Variants in ZNF592 observed in about 807,000 individuals in gnomAD.
The protein encoded by ZNF592 is spinocerebellar ataxia, autosomal recessive 5.
A neutral mutation model predicts 80.3 loss-of-function variants in ZNF592; 11 were observed. The ratio of observed to expected loss-of-function variants is 0.14; its 90% CI spans 0.09 to 0.23. The LOEUF is 0.23. Ranked by LOEUF, ZNF592 falls within the 10% of genes least tolerant of loss-of-function variation. The pLI, the probability that ZNF592 is intolerant of heterozygous loss-of-function variation, is 1.00. For synonymous variants in ZNF592, 646 were observed against 640.3 expected, an observed-to-expected ratio of 1.01 and a Z score of -0.13; for missense variants, 1,420 against 1,633.9, an observed-to-expected ratio of 0.87 and a Z score of 2.26.
Position 84,799,279 on chromosome 15 carries a change from C to A in ZNF592, c.3137+69C>A. 1 of 1,416,172 alleles carries A rather than the reference C, an allele frequency of 7.1e-7. No homozygotes were observed. Among genetic ancestry groups the A allele is most frequent in the Non-Finnish European group, 1.0e-6 (1 of 999,950 alleles). 87.7% of individuals were successfully genotyped at this position (1,416,172 alleles called of 1,614,324 possible). On this transcript the variant is annotated intron_variant, in intron 9 of 10. Coordinates refer to ENST00000560079, the MANE Select transcript of ZNF592 (RefSeq NM_014630.3). The surrounding 1 kb of genome is among the most constrained non-coding windows in gnomAD (Gnocchi z 4.2). ...GACTCTGTCCGTGGCACCACTGGGG[C>A]TTTTCTGTGCTGCAAGATCAGGTGT... is the stretch of plus-strand genomic sequence containing the variant.
At chr15:84,775,078 G>A (rs1429822732) in intron 2 of ZNF592, among the ~76,000 whole-genome samples, 1 of 151,660 alleles carries the variant, frequency 6.6e-6, no homozygotes, top group East Asian at 1.9e-4. Context: ...CCAGCACCTG[G>A]CCACTGTTTT....
In ZNF592 at chr15:84,784,981, A is replaced by T; in HGVS notation, c.2220+86A>T. ...GGCATGGAGAGGAAAGCTCATTGAT[A>T]TGGGGGCAGTGGTGGAATCTTATGA... On this transcript the variant is annotated intron_variant, in intron 4 of 10. Coordinates refer to ENST00000560079, the MANE Select transcript of ZNF592 (RefSeq NM_014630.3). This position sits in a 1 kb window ranked among gnomAD's most constrained non-coding sequence, Gnocchi z 5.8. The T allele has an allele frequency of 7.0e-7, 1 of 1,434,562 alleles. No homozygotes were observed. The highest frequency in any genetic ancestry group is 9.8e-7 in the Non-Finnish European group (1 of 1,019,190). 88.9% of individuals were successfully genotyped at this position (1,434,562 alleles called of 1,614,324 possible). A position where few individuals can be genotyped will look rare whatever the true frequency, so the allele number is the denominator to read the frequency against.
chr15:84,756,609 C>T (rs1178768674), intron 1 of ZNF592, among the ~76,000 whole-genome samples: 1 of 152,186 alleles, frequency 6.6e-6, no homozygotes, highest in African/African-American at 2.4e-5. Flanking sequence ...GTCTATGTGG[C>T]TGGGCTGCTA....
chr15:84,765,682 G>A (rs998361382), intron 2 of ZNF592, among the ~76,000 whole-genome samples: 2 of 150,854 alleles, frequency 1.3e-5, no homozygotes, highest in Non-Finnish European at 3.0e-5. Flanking sequence ...GGGACTACAG[G>A]TGCATGCCAC....
chr15:84,754,939 A>G (rs904167452), intron 1 of ZNF592, among the ~76,000 whole-genome samples: 6 of 146,682 alleles, frequency 4.1e-5, no homozygotes, highest in African/African-American at 1.5e-4. Context: ...TGAGAGGTCT[A>G]GGATTATTGC....
intron 4 of ZNF592, among the ~76,000 whole-genome samples, chr15:84,786,135 C>T (rs1962580149): frequency 6.6e-6 from 1 of 152,170 alleles, no homozygotes; most frequent in Non-Finnish European, 1.5e-5. Context: ...TGAGTGCCCA[C>T]TGTGCATGGG....
Position 84,782,979 on chromosome 15 carries a change from C to G in ZNF592, c.304C>G (p.Pro102Ala), listed in dbSNP as rs895374404. The G allele has an allele frequency of 2.8e-5, 45 of 1,614,042 alleles. No individual in the cohort carries two copies. The highest frequency in any genetic ancestry group is 3.6e-5 in the Non-Finnish European group (43 of 1,180,038). ...HNGFRGSDLP[P>A]DPHNCGKFDS... ...TGGATTCCGGGGCTCAGATCTGCCT[C>G]CAGATCCCCACAACTGTGGGAAATT... Residue 102 changes from proline (P) to alanine (A), a missense_variant, in exon 4 of 11, where the codon CCA becomes GCA. Physicochemically the swap from Pro to Ala is conservative, Grantham distance 27. Coordinates refer to ENST00000560079, the MANE Select transcript of ZNF592 (RefSeq NM_014630.3).
chr15:84,764,661 C>A (rs563605964), intron 1 of ZNF592, 46 bp from the exon 2 acceptor site: 26 of 398,414 alleles, frequency 6.5e-5, no homozygotes, highest in African/African-American at 5.1e-4. Flanking sequence ...CTAACACTTA[C>A]CTTCAGACCC....
intron 1 of ZNF592, among the ~76,000 whole-genome samples, chr15:84,762,680 A>C (rs540469848): frequency 6.6e-6 from 1 of 152,294 alleles, no homozygotes; most frequent in African/African-American, 2.4e-5. Context: ...AACTGTGAGT[A>C]GGAGACTTCA....
At chr15:84,756,782 G>A (rs1445087161) in intron 1 of ZNF592, among the ~76,000 whole-genome samples, 1 of 152,026 alleles carries the variant, frequency 6.6e-6, no homozygotes. Context: ...GCCCTGGCTG[G>A]ATTCGAAATC....
intron 3 of ZNF592, among the ~76,000 whole-genome samples, chr15:84,780,837 CT>C (rs756636564): frequency 2.6e-5 from 4 of 151,948 alleles, no homozygotes; most frequent in Admixed American, 6.6e-5. Context: ...TATCAGCCCC[CT>C]AAAAAAGTTT....
chr15:84,798,748 C>T lies in ZNF592; in HGVS notation c.2897C>T (p.Pro966Leu). ...CTGCCTTCTGGCCGCTGGGGTAGGC[C>T]TGAAGCCCACCGCAGGGTGGAAGCC... ...SSLPSGRWGR[P>L]EAHRRVEARP... Residue 966 changes from proline (P) to leucine (L), a missense_variant, in exon 8 of 11, where the codon CCT (proline) becomes CTT (leucine). By Grantham distance (98) the Pro-to-Leu change is moderately conservative (BLOSUM62 -3). Around this residue, in one of 7 missense-constraint regions of ZNF592, gnomAD observed 331 missense variants for 347.0 expected, o/e 0.95. Coordinates refer to ENST00000560079, the MANE Select transcript of ZNF592 (RefSeq NM_014630.3). This position sits in a 1 kb window ranked among gnomAD's most constrained non-coding sequence, Gnocchi z 4.5. 6.2e-7 allele frequency: 1 copy of T among 1,609,184 alleles called. No individual in the cohort carries two copies. Among genetic ancestry groups the T allele is most frequent in the Non-Finnish European group, 8.5e-7 (1 of 1,179,856 alleles).
In ZNF592 at chr15:84,801,949, C is replaced by G. The variant is rs1231526361; in HGVS notation, c.3360C>G (p.His1120Gln). 3.7e-6 allele frequency: 6 copies of G among 1,613,998 alleles called. No individual in the cohort carries two copies. The Admixed American group carries it at 1.0e-4, about 27-fold the overall frequency. Residue 1120 changes from histidine (H) to glutamine (Q), a missense_variant, in exon 11 of 11, where the codon CAC becomes CAG. Around this residue, in one of 7 missense-constraint regions of ZNF592, gnomAD observed 145 missense variants for 211.9 expected, o/e 0.68. Transcript: ENST00000560079. ...CAACTGTCTCTTCCACCAAAAGGCA[C>G]AAGTCCCTTTTTCAGTGCGCGAAAT... ...NGATVSSTKR[H>Q]KSLFQCAKCS... is the part of the protein sequence containing the mutation.
At position 84,805,624 on chromosome 15, in the gene ZNF592, A is replaced by G. The variant is rs1162733762; in HGVS notation, c.*3231A>G. On this transcript the variant is annotated 3_prime_UTR_variant, in exon 11 of 11. Transcript: ENST00000560079. Reference sequence around the variant, plus strand: ...ACTTATGTAAACAGTCTGGTTTTAAAAAATTTGATAATTGTGGCCCAGTAA... The same window carrying G: ...ACTTATGTAAACAGTCTGGTTTTAAGAAATTTGATAATTGTGGCCCAGTAA... 1 of 152,674 alleles carries G rather than the reference A, an allele frequency of 6.5e-6. No homozygotes were observed. Among genetic ancestry groups the G allele is most frequent in the East Asian group, 1.9e-4 (1 of 5,208 alleles). 9.5% of individuals were successfully genotyped at this position (152,674 alleles called of 1,614,324 possible).
intron 4 of ZNF592, 86 bp from the exon 5 acceptor site, chr15:84,790,619 A>T (rs1962719064): frequency 7.2e-7 from 1 of 1,393,068 alleles, no homozygotes. Context: ...ATTCTGACCC[A>T]TGTACTAGCA....
Position 84,783,333 on chromosome 15 carries a change from C to A in ZNF592, c.658C>A (p.Gln220Lys). The change falls in exon 4 of 11, where the codon CAA becomes AAA. Residue 220 changes from glutamine (Q) to lysine (K), a missense_variant. Around this residue, in one of 7 missense-constraint regions of ZNF592, gnomAD observed 373 missense variants for 355.5 expected, o/e 1.05. Transcript: ENST00000560079. This position sits in a 1 kb window ranked among gnomAD's most constrained non-coding sequence, Gnocchi z 5.0. ...LPLGSQQEHE[Q>K]SGQNTVEPHK... is the part of the protein sequence containing the mutation. ...CTTGGGGAGCCAGCAGGAACACGAGCAAAGTGGGCAGAACACAGTGGAACC... is the reference window on the plus strand; with the variant it reads ...CTTGGGGAGCCAGCAGGAACACGAGAAAAGTGGGCAGAACACAGTGGAACC... The A allele has an allele frequency of 6.2e-7, 1 of 1,614,214 alleles. No individual in the cohort carries two copies. The highest frequency in any genetic ancestry group is 8.5e-7 in the Non-Finnish European group (1 of 1,180,038).
intron 1 of ZNF592, among the ~76,000 whole-genome samples, chr15:84,754,106 C>T (rs1567057113): frequency 6.6e-6 from 1 of 152,178 alleles, no homozygotes; most frequent in Non-Finnish European, 1.5e-5. Flanking sequence ...CTTTTTATGG[C>T]TCAGAGAAAA....
chr15:84,769,798 T>G (rs1046850653), intron 2 of ZNF592, among the ~76,000 whole-genome samples: 1 of 152,224 alleles, frequency 6.6e-6, no homozygotes, highest in Non-Finnish European at 1.5e-5. Flanking sequence ...GGGGTCTCAC[T>G]GTGTTGCCTA....
intron 2 of ZNF592, among the ~76,000 whole-genome samples, chr15:84,767,696 A>G (rs1377227959): frequency 6.6e-6 from 1 of 151,542 alleles, no homozygotes; most frequent in African/African-American, 2.4e-5. Context: ...AGTCAGTTTT[A>G]TTGTCTTGTA....
Sources: allele counts gnomAD v4.1 joint callset (sites outside exome capture counted in the v4.1 genomes callset), GRCh38; gene constraint gnomAD v4.1.1; regional missense constraint gnomAD v4.1.1; non-coding constraint Gnocchi (gnomAD v3.1); transcripts MANE v1.5; gene names NCBI Gene and HGNC (gene_info 2026-07-23, HGNC 2026-07-21).